WDFY3: variants seen among roughly 807,000 people sequenced by gnomAD.
WDFY3 encodes WD repeat and FYVE domain containing 3.
Under a neutral mutation model 409.6 loss-of-function variants are expected in WDFY3, and 66 were observed. The observed-to-expected ratio is 0.16, with a 90% CI of 0.13 to 0.20. WDFY3 has a LOEUF of 0.20. Ranked by LOEUF, WDFY3 falls within the 10% of genes least tolerant of loss-of-function variation. The pLI is 1.00. For missense variants in WDFY3, 3,031 were observed against 4,298.1 expected (o/e 0.71, Z 8.24); for synonymous variants, 1,521 against 1,537.1 (o/e 0.99, Z 0.25).
At chr4:84,949,098 C>T (rs1254234003) in intron 1 of WDFY3, among the ~76,000 whole-genome samples, 1 of 152,084 alleles carries the variant, frequency 6.6e-6, no homozygotes, top group African/African-American at 2.4e-5. Flanking sequence ...CAGCACTATA[C>T]CTTAAATGTG....
At chr4:84,749,425 T>G (rs1472318012) in intron 36 of WDFY3, among the ~76,000 whole-genome samples, 3 of 152,178 alleles carry the variant, frequency 2.0e-5, no homozygotes, top group Non-Finnish European at 4.4e-5. Context: ...TTTGGGAATT[T>G]CCAGGGATGA....
At chr4:84,938,415 T>C (rs1269796986) in intron 1 of WDFY3, among the ~76,000 whole-genome samples, 1 of 152,160 alleles carries the variant, frequency 6.6e-6, no homozygotes, top group Non-Finnish European at 1.5e-5. Context: ...ATAAATTTGA[T>C]AAATTAACAA....
intron 46 of WDFY3, 142 bp from the exon 47 acceptor site, chr4:84,721,714 A>G: frequency 1.1e-6 from 1 of 907,126 alleles, no homozygotes; most frequent in Non-Finnish European, 1.6e-6. Context: ...TCAGTGGTTA[A>G]GAACATAGTC....
At chr4:84,767,234 T>G (rs190883036) in intron 30 of WDFY3, among the ~76,000 whole-genome samples, 1 of 149,256 alleles carries the variant, frequency 6.7e-6, no homozygotes, top group East Asian at 2.0e-4. Flanking sequence ...TCTTTTATGT[T>G]ACTATCATAA....
At chr4:84,936,233 T>C (rs991227126) in intron 1 of WDFY3, among the ~76,000 whole-genome samples, 1 of 152,120 alleles carries the variant, frequency 6.6e-6, no homozygotes, top group Non-Finnish European at 1.5e-5. Flanking sequence ...CTTATCATAC[T>C]CTTTGGGTGG....
chr4:84,750,031 T>C (rs1441308503), intron 36 of WDFY3, among the ~76,000 whole-genome samples: 1 of 152,236 alleles, frequency 6.6e-6, no homozygotes, highest in Non-Finnish European at 1.5e-5. Flanking sequence ...ACTGTATGTT[T>C]CCAGTCATTC....
intron 36 of WDFY3, among the ~76,000 whole-genome samples, chr4:84,749,385 T>C (rs1740089126): frequency 6.6e-6 from 1 of 152,178 alleles, no homozygotes; most frequent in African/African-American, 2.4e-5. Context: ...AATTTCTATG[T>C]TCTTTATTAG....
intron 8 of WDFY3, among the ~76,000 whole-genome samples, chr4:84,829,833 A>ATAAG (rs1755426588): frequency 6.7e-6 from 1 of 150,294 alleles, no homozygotes; most frequent in South Asian, 2.1e-4. Flanking sequence ...AAATAAATAA[A>ATAAG]TAAATAAATA....
At position 84,786,015 on chromosome 4, in the gene WDFY3, C is replaced by A. The variant is rs935319443; in HGVS notation, c.4026G>T (p.Val1342=). Residue 1342 remains valine, a synonymous_variant, in exon 24 of 68, where the codon GTG becomes GTT. Coordinates refer to ENST00000295888, the MANE Select transcript of WDFY3 (RefSeq NM_014991.6). ...TGGCTTTGCTATCCAATTTGTTATA[C>A]ACTTTCCGGATTCTTGCCACTGTTA... ...SSLTVARIRK[V]YNKLDSKAIA... 3.1e-6 allele frequency: 5 copies of A among 1,613,782 alleles called. No individual in the cohort carries two copies. The Admixed American group carries it at 6.7e-5, about 22-fold the overall frequency.
chr4:84,839,289 C>T (rs918411452), intron 6 of WDFY3, among the ~76,000 whole-genome samples: 1 of 151,896 alleles, frequency 6.6e-6, no homozygotes, highest in African/African-American at 2.4e-5. Context: ...TAAACATATG[C>T]TATTCTAAAC....
intron 3 of WDFY3, among the ~76,000 whole-genome samples, chr4:84,880,006 A>G (rs1182560000): frequency 1.3e-5 from 2 of 152,220 alleles, no homozygotes; most frequent in East Asian, 3.8e-4. Context: ...TGTATGTTAC[A>G]TTATGTGGCC....
intron 8 of WDFY3, 26 bp downstream of exon 8, chr4:84,831,387 A>G: frequency 6.9e-7 from 1 of 1,443,334 alleles, no homozygotes; most frequent in East Asian, 2.5e-5. Flanking sequence ...AATTTAGAAC[A>G]CTTAAATATA....
rs539766257 is a variant in WDFY3 at position 84,950,414 on chromosome 4, A to AT, written c.-226+15794dup. On this transcript the variant is annotated intron_variant, in intron 1 of 67. Coordinates refer to ENST00000295888, the MANE Select transcript of WDFY3 (RefSeq NM_014991.6). ...CACATATCCCAGAACTTAAAGTTTA[A>AT]TAAAAAAAAAAAAAGGTTACATTAT... 1.2e-3 allele frequency among the ~76,000 whole-genome samples: 174 copies of AT among 149,614 alleles called. 5 individuals carry two copies. The East Asian group carries it at 0.028, about 24-fold the overall frequency.
chr4:84,730,586 C>T (rs112216112), intron 44 of WDFY3, among the ~76,000 whole-genome samples: 3 of 152,178 alleles, frequency 2.0e-5, no homozygotes, highest in Admixed American at 6.5e-5. Context: ...TTCAGTTTCT[C>T]ATCTGTAAAA....
At chr4:84,686,924 G>A (rs369681069) in intron 62 of WDFY3, among the ~76,000 whole-genome samples, 2 of 152,142 alleles carry the variant, frequency 1.3e-5, no homozygotes, top group East Asian at 1.9e-4. Context: ...CTTGGTATGT[G>A]TAGAGGGATC....
intron 7 of WDFY3, among the ~76,000 whole-genome samples, chr4:84,831,844 C>T (rs1027009162): frequency 7.2e-5 from 11 of 152,044 alleles, no homozygotes; most frequent in African/African-American, 2.7e-4. Flanking sequence ...AGAACAGATG[C>T]TGGTAAGGAA....
At chr4:84,962,407 T>C (rs893794378) in intron 1 of WDFY3, among the ~76,000 whole-genome samples, 1 of 152,210 alleles carries the variant, frequency 6.6e-6, no homozygotes. Flanking sequence ...CTACATAATG[T>C]ATAATTCCAT....
chr4:84,809,771 TAGG>T (rs1752172357), intron 14 of WDFY3, 113 bp downstream of exon 14: 10 of 921,812 alleles, frequency 1.1e-5, no homozygotes, highest in South Asian at 1.9e-5. Flanking sequence ...TTCAAACAAA[TAGG>T]AGAAGAGTCA....
At chr4:84,733,068 C>T (rs1412331895) in intron 44 of WDFY3, among the ~76,000 whole-genome samples, 1 of 152,150 alleles carries the variant, frequency 6.6e-6, no homozygotes, top group African/African-American at 2.4e-5. Context: ...CCAATTCAGG[C>T]ATAATAAAAT....
Sources: allele counts gnomAD v4.1 joint callset (sites outside exome capture counted in the v4.1 genomes callset), GRCh38; gene constraint gnomAD v4.1.1; transcripts MANE v1.5; gene names NCBI Gene and HGNC (gene_info 2026-07-23, HGNC 2026-07-21).